The following ZNF471 variants were observed in gnomAD, a reference collection of about 807,000 sequenced individuals.
ZNF471 encodes the protein zinc finger protein 471.
Under a neutral mutation model 13.7 loss-of-function variants are expected in ZNF471, and 7 were observed. That is an observed-to-expected ratio of 0.51 (90% confidence interval 0.29 to 0.96). ZNF471 has a LOEUF of 0.96. ZNF471 is among the 40% of genes least tolerant of loss of function. The pLI is 0.08. For missense variants in ZNF471, 663 were observed against 743.3 expected (o/e 0.89, Z 1.26); for synonymous variants, 218 against 235.6 (o/e 0.93, Z 0.68).
In ZNF471 at chr19:56,509,995, G is replaced by A. The variant is rs188235079; in HGVS notation, c.-55-1522G>A. 6 of 985,544 alleles carry A rather than the reference G, an allele frequency of 6.1e-6. No individual in the cohort carries two copies. In the African/African-American group the frequency reaches 8.7e-5, roughly 14 times the overall value. The allele number at this position is 985,544 out of a possible 1,614,324, so 61.0% of individuals were successfully genotyped here. A position where few individuals can be genotyped will look rare whatever the true frequency, so the allele number is the denominator to read the frequency against. ...CATGTGTGTGTCTGAGTAAAAGCAAGAGACTAGACTGAGAGTTCAGTGATT... is the reference window on the plus strand; with the variant it reads ...CATGTGTGTGTCTGAGTAAAAGCAAAAGACTAGACTGAGAGTTCAGTGATT... On this transcript the variant is annotated intron_variant, in intron 1 of 4. Transcript: ENST00000308031.
intron 4 of ZNF471, among the ~76,000 whole-genome samples, chr19:56,520,811 C>T (rs1205461309): frequency 6.6e-6 from 1 of 152,120 alleles, no homozygotes; most frequent in African/African-American, 2.4e-5. Flanking sequence ...CCATGGCCGG[C>T]TAATTTTTTA....
chr19:56,521,638 CAAA>C (rs372849279), intron 4 of ZNF471, among the ~76,000 whole-genome samples: 3 of 82,100 alleles, frequency 3.7e-5, no homozygotes, highest in East Asian at 7.1e-4. Context: ...GACTCTGTCT[CAAA>C]AAAAAAAAAA....
Position 56,522,101 on chromosome 19 carries a change from T to C in ZNF471, c.257-2223T>C, listed in dbSNP as rs1278475139. Among the ~76,000 whole-genome samples the C allele has an allele frequency of 1.3e-5, 2 of 152,218 alleles. No homozygotes were observed. The highest frequency in any genetic ancestry group is 2.9e-5 in the Non-Finnish European group (2 of 68,042). ...TGTAGACCAGGAGCAGTAGGCCATA[T>C]AGCCTAAGTGTGCAGCAGGCTACAC... On this transcript the variant is annotated intron_variant, in intron 4 of 4. Transcript: ENST00000308031. This position sits in a 1 kb window ranked among gnomAD's most constrained non-coding sequence, Gnocchi z 4.1.
chr19:56,525,607 C>A lies in ZNF471; in HGVS notation c.1540C>A (p.Pro514Thr). Reference sequence around the variant, plus strand: ...TCAGAGAATTCATACTGGAGAGAAGCCTTATGAATGTATTGAATGTGGAAA... The same window carrying A: ...TCAGAGAATTCATACTGGAGAGAAGACTTATGAATGTATTGAATGTGGAAA... ...THQRIHTGEK[P>T]YECIECGNAF... The change falls in exon 5 of 5, where the codon CCT (proline) becomes ACT (threonine). Residue 514 changes from proline to threonine, a missense_variant. Physicochemically the swap from Pro to Thr is conservative, Grantham distance 38. Transcript: ENST00000308031. The A allele has an allele frequency of 6.2e-7, 1 of 1,614,060 alleles. No homozygotes were observed. Among genetic ancestry groups the A allele is most frequent in the Non-Finnish European group, 8.5e-7 (1 of 1,180,018 alleles).
chr19:56,514,358 A>G (rs961308437), intron 2 of ZNF471, among the ~76,000 whole-genome samples: 1 of 152,044 alleles, frequency 6.6e-6, no homozygotes, highest in Admixed American at 6.6e-5. Context: ...TTATAAGTGT[A>G]AGCCACTGCA....
chr19:56,529,875 C>T lies in ZNF471; in HGVS notation c.*3927C>T, dbSNP rs2044088466. On this transcript the variant is annotated 3_prime_UTR_variant, in exon 5 of 5. Transcript: ENST00000308031. ...ATTAGAGGAAAGCCATTTTAGAGGG[C>T]AATGTGGTGTTACCTGTCAGCATTT... 6.6e-6 allele frequency: 1 copy of T among 152,174 alleles called. No homozygotes were observed. The highest frequency in any genetic ancestry group is 2.4e-5 in the African/African-American group (1 of 41,436). 9.4% of individuals were successfully genotyped at this position (152,174 alleles called of 1,614,324 possible).
At chr19:56,511,111 CA>C in intron 1 of ZNF471, 7 of 853,296 alleles carry the variant, frequency 8.2e-6, no homozygotes, top group Non-Finnish European at 9.8e-6. Flanking sequence ...TTTTTTTTCC[CA>C]AAAACCCCAT....
chr19:56,512,759 G>A (rs2043828810), intron 2 of ZNF471, among the ~76,000 whole-genome samples: 2 of 152,088 alleles, frequency 1.3e-5, no homozygotes, highest in Non-Finnish European at 2.9e-5. Context: ...TTCTCCCACT[G>A]TGAAATTCCC....
chr19:56,508,265 G>A lies in ZNF471; in HGVS notation c.-56+345G>A. On this transcript the variant is annotated intron_variant, in intron 1 of 4. Transcript: ENST00000308031. This position sits in a 1 kb window ranked among gnomAD's most constrained non-coding sequence, Gnocchi z 4.7. ...TGTGTGTGTGTGTGACAGACCGAGA[G>A]TCCAGTGTGAGACCAGGGTATGTTC... The A allele has an allele frequency of 1.2e-6, 1 of 801,552 alleles. No individual in the cohort carries two copies. The highest frequency in any genetic ancestry group is 1.5e-6 in the Non-Finnish European group (1 of 661,448). 49.7% of individuals were successfully genotyped at this position (801,552 alleles called of 1,614,324 possible).
Position 56,525,413 on chromosome 19 carries a change from A to G in ZNF471, c.1346A>G (p.His449Arg), listed in dbSNP as rs372005205. Residue 449 changes from histidine (H) to arginine (R), a missense_variant, in exon 5 of 5, where the codon CAT becomes CGT. Transcript: ENST00000308031. ...AGCCATCATGCATCACTCACTCAGC[A>G]TCAAAGAGTACATTCTGGAGAGAAA... ...DFSHHASLTQ[H>R]QRVHSGEKPY... 2.5e-6 allele frequency: 4 copies of G among 1,614,054 alleles called. No individual in the cohort carries two copies. In the African/African-American group the frequency reaches 4.0e-5, roughly 16 times the overall value.
Position 56,524,866 on chromosome 19 carries a change from T to G in ZNF471, c.799T>G (p.Cys267Gly), listed in dbSNP as rs765219329. ...AGAGAAACTCTTTGAATGTAAAGAATGTAGGAAAGCCTTCAAACAAAGTGA... is the reference window on the plus strand; with the variant it reads ...AGAGAAACTCTTTGAATGTAAAGAAGGTAGGAAAGCCTTCAAACAAAGTGA... ...TGEKLFECKE[C>G]RKAFKQSEHL... Residue 267 changes from cysteine (C) to glycine (G), a missense_variant, in exon 5 of 5, where the codon TGT (cysteine) becomes GGT (glycine). Cys to Gly is a radical substitution (Grantham distance 159). Coordinates refer to ENST00000308031, the MANE Select transcript of ZNF471 (RefSeq NM_020813.4). The surrounding 1 kb of genome is among the most constrained non-coding windows in gnomAD (Gnocchi z 4.8). 8 of 1,610,684 alleles carry G rather than the reference T, an allele frequency of 5.0e-6. No individual in the cohort carries two copies. The highest frequency in any genetic ancestry group is 1.3e-5 in the African/African-American group (1 of 74,712).
chr19:56,526,115 G>T lies in ZNF471; in HGVS notation c.*167G>T. On this transcript the variant is annotated 3_prime_UTR_variant, in exon 5 of 5. Coordinates refer to ENST00000308031, the MANE Select transcript of ZNF471 (RefSeq NM_020813.4). ...GAACAGCTCTGATCTGCAGTTCCCAGTGAGATCAACGCAGAAGGTGGGTGC... is the reference window on the plus strand; with the variant it reads ...GAACAGCTCTGATCTGCAGTTCCCATTGAGATCAACGCAGAAGGTGGGTGC... 1 of 626,278 alleles carries T rather than the reference G, an allele frequency of 1.6e-6. No individual in the cohort carries two copies. Among genetic ancestry groups the T allele is most frequent in the Non-Finnish European group, 2.6e-6 (1 of 384,872 alleles). 38.8% of individuals were successfully genotyped at this position (626,278 alleles called of 1,614,324 possible).
Position 56,510,339 on chromosome 19 carries a change from G to A in ZNF471, c.-55-1178G>A. The A allele has an allele frequency of 1.0e-6, 1 of 985,458 alleles. No homozygotes were observed. The highest frequency in any genetic ancestry group is 1.2e-6 in the Non-Finnish European group (1 of 829,966). 61.0% of individuals were successfully genotyped at this position (985,458 alleles called of 1,614,324 possible). On this transcript the variant is annotated intron_variant, in intron 1 of 4. Transcript: ENST00000308031. This position sits in a 1 kb window ranked among gnomAD's most constrained non-coding sequence, Gnocchi z 4.3. Reference sequence around the variant, plus strand: ...GTGTGAAAGAGGGAGAGAAAGACTAGTGATGTGGTTGTGTGAGAGACCAAA... The same window carrying A: ...GTGTGAAAGAGGGAGAGAAAGACTAATGATGTGGTTGTGTGAGAGACCAAA...
Position 56,512,573 on chromosome 19 carries a change from C to G in ZNF471, c.33+969C>G, listed in dbSNP as rs74906409. Among the ~76,000 whole-genome samples, 83 of 151,980 alleles carry G rather than the reference C, an allele frequency of 5.5e-4. 1 individual carries two copies. The East Asian group carries it at 0.012, about 22-fold the overall frequency. ...GCACAATGGCATTAATTGAATTATT[C>G]ATCTCATTCTCACTAATTTGAAATG... On this transcript the variant is annotated intron_variant, in intron 2 of 4. Coordinates refer to ENST00000308031, the MANE Select transcript of ZNF471 (RefSeq NM_020813.4).
Position 56,529,408 on chromosome 19 carries a change from C to T in ZNF471, c.*3460C>T, listed in dbSNP as rs1177211837. Reference sequence around the variant, plus strand: ...GAGGAGAATGTAGAGTATTTCTGTGCCTTTAGGTTCAGGAGGTCTTTGATA... The same window carrying T: ...GAGGAGAATGTAGAGTATTTCTGTGTCTTTAGGTTCAGGAGGTCTTTGATA... On this transcript the variant is annotated 3_prime_UTR_variant, in exon 5 of 5. Transcript: ENST00000308031. The T allele has an allele frequency of 6.6e-6, 1 of 151,986 alleles. No homozygotes were observed. Among genetic ancestry groups the T allele is most frequent in the Non-Finnish European group, 1.5e-5 (1 of 68,010 alleles). The allele number at this position is 151,986 out of a possible 1,614,324, so 9.4% of individuals were successfully genotyped here. A position where few individuals can be genotyped will look rare whatever the true frequency, so the allele number is the denominator to read the frequency against.
At chr19:56,523,507 G>C (rs1299434208) in intron 4 of ZNF471, among the ~76,000 whole-genome samples, 1 of 152,096 alleles carries the variant, frequency 6.6e-6, no homozygotes, top group Non-Finnish European at 1.5e-5. Flanking sequence ...GAAACATGTA[G>C]ATGATTTCAT....
chr19:56,513,434 CTT>C (rs1365182522), intron 2 of ZNF471, among the ~76,000 whole-genome samples: 1 of 152,178 alleles, frequency 6.6e-6, no homozygotes, highest in Non-Finnish European at 1.5e-5. Context: ...AAACTTTCCT[CTT>C]TTTCTAAGAT....
Position 56,511,503 on chromosome 19 carries a change from T to C in ZNF471, c.-55-14T>C, listed in dbSNP as rs968499390. ...CTCTGGCCTCATCTCTCTCTAACCTTTCCCTTCCTTCAGCCTTGCCCTCCC... is the reference window on the plus strand; with the variant it reads ...CTCTGGCCTCATCTCTCTCTAACCTCTCCCTTCCTTCAGCCTTGCCCTCCC... On this transcript the variant is annotated splice_polypyrimidine_tract_variant and intron_variant, in intron 1 of 4. Transcript: ENST00000308031. 263 of 1,603,674 alleles carry C rather than the reference T, an allele frequency of 1.6e-4. No individual in the cohort carries two copies. The highest frequency in any genetic ancestry group is 2.1e-4 in the Non-Finnish European group (245 of 1,172,710).
Position 56,516,443 on chromosome 19 carries a change from CT to C in ZNF471, c.160+48del, listed in dbSNP as rs772686295. The C allele has an allele frequency of 1.9e-6, 3 of 1,556,638 alleles. No individual in the cohort carries two copies. The highest frequency in any genetic ancestry group is 2.3e-5 in the East Asian group (1 of 43,824). On this transcript the variant is annotated intron_variant, in intron 3 of 4. Transcript: ENST00000308031. The surrounding 1 kb of genome is among the most constrained non-coding windows in gnomAD (Gnocchi z 4.4). The stretch of plus-strand genomic sequence containing the variant: ...TCCTGCATAATCTACCTTTAAGGAA[CT>C]TTTTTGTCTATATATTATTAAATTT...
Sources: allele counts gnomAD v4.1 joint callset (sites outside exome capture counted in the v4.1 genomes callset), GRCh38; gene constraint gnomAD v4.1.1; non-coding constraint Gnocchi (gnomAD v3.1); transcripts MANE v1.5; gene names NCBI Gene and HGNC (gene_info 2026-07-23, HGNC 2026-07-21).